Variants in HORMAD2 observed in about 807,000 individuals in gnomAD.
HORMAD2 encodes the protein HORMA domain-containing protein 2.
Under a neutral mutation model 38.8 loss-of-function variants are expected in HORMAD2, and 45 were observed. The ratio of observed to expected loss-of-function variants is 1.16; its 90% confidence interval spans 0.91 to 1.49. The LOEUF (loss-of-function observed/expected upper bound fraction) is 1.49. HORMAD2 is among the 40% of genes most tolerant of loss of function. The pLI, the probability that HORMAD2 is intolerant of heterozygous loss-of-function variation, is 0.00. For synonymous variants in HORMAD2, 126 were observed against 122.8 expected (o/e 1.03, Z -0.17); for missense variants, 338 against 367.0 (o/e 0.92, Z 0.65).
chr22:30,144,810 TCCATCTCA>T (rs142659696), intron 10 of HORMAD2, among the ~76,000 whole-genome samples: 2,503 of 151,932 alleles, frequency 0.016, 69 homozygotes, highest in African/African-American at 0.058. Context: ...ACACAAAACT[TCCATCTCA>T]CCATGAGCCC....
chr22:30,096,481 A>T (rs2068784519), intron 2 of HORMAD2, among the ~76,000 whole-genome samples: 2 of 144,816 alleles, frequency 1.4e-5, no homozygotes, highest in Non-Finnish European at 1.5e-5. Flanking sequence ...TCTCATTGTG[A>T]TTTTTTTTTT....
In HORMAD2 at chr22:30,088,072, C is replaced by T. The variant is rs976782468; in HGVS notation, c.-37-5844C>T. ...GTACACACGTATACATATACACACA[C>T]GTACACACGTGTACATATACACACA... On this transcript the variant is annotated intron_variant, in intron 1 of 10. Coordinates refer to ENST00000336726, the MANE Select transcript of HORMAD2 (RefSeq NM_152510.4). 7.4e-5 allele frequency among the ~76,000 whole-genome samples: 11 copies of T among 148,284 alleles called. No individual in the cohort carries two copies. In the East Asian group the frequency reaches 7.9e-4, roughly 11 times the overall value.
chr22:30,127,230 A>G (rs566393942), intron 10 of HORMAD2, among the ~76,000 whole-genome samples: 1 of 96,962 alleles, frequency 1.0e-5, no homozygotes, highest in Admixed American at 1.5e-4. Flanking sequence ...TTTTTTTGAG[A>G]CGGAGTCTCG....
chr22:30,150,923 G>A (rs1021701188), intron 10 of HORMAD2, among the ~76,000 whole-genome samples: 2 of 152,174 alleles, frequency 1.3e-5, no homozygotes, highest in Admixed American at 6.5e-5. Flanking sequence ...ATCCTAGGGT[G>A]GAAGAGGAAC....
intron 10 of HORMAD2, among the ~76,000 whole-genome samples, chr22:30,148,860 C>G (rs1205836751): frequency 1.3e-5 from 2 of 152,080 alleles, no homozygotes; most frequent in Non-Finnish European, 2.9e-5. Flanking sequence ...AAAAAGTTAG[C>G]CGGGCGTGGT....
In HORMAD2 at chr22:30,098,956, G is replaced by A; in HGVS notation, c.156G>A (p.Leu52=). 6.2e-7 allele frequency: 1 copy of A among 1,612,776 alleles called. No homozygotes were observed. ...SISCITYLRG[L]FPESSYGERH... is the part of the protein sequence containing the mutation. ...CATGTATAACATACCTAAGGGGCCT[G>A]TTTCCAGAGAGCTCTTATGGAGAAC... The change falls in exon 3 of 11, where the codon CTG becomes CTA. Residue 52 remains leucine (L), a synonymous_variant. Transcript: ENST00000336726.
chr22:30,124,280 CACACACACACACAT>C, intron 10 of HORMAD2, among the ~76,000 whole-genome samples: 1 of 151,812 alleles, frequency 6.6e-6, no homozygotes, highest in South Asian at 2.1e-4. Context: ...CACACACACA[CACACACACACACAT>C]ACATACATGT....
Position 30,098,919 on chromosome 22 carries a change from C to T in HORMAD2, c.119C>T (p.Ala40Val), listed in dbSNP as rs1226931778. 1 of 1,613,302 alleles carries T rather than the reference C, an allele frequency of 6.2e-7. No homozygotes were observed. Among genetic ancestry groups the T allele is most frequent in the Non-Finnish European group, 8.5e-7 (1 of 1,179,406 alleles). ...ESLKMVKKLF[A>V]TSISCITYLR... ...TTGAAAATGGTGAAGAAACTTTTTG[C>T]TACTTCCATCTCATGTATAACATAC... The change falls in exon 3 of 11, where the codon GCT becomes GTT. Residue 40 changes from alanine (A) to valine (V), a missense_variant. Transcript: ENST00000336726.
chr22:30,093,885 G>T, intron 1 of HORMAD2, 31 bp from the exon 2 acceptor site: 1 of 1,084,096 alleles, frequency 9.2e-7, no homozygotes, highest in Non-Finnish European at 1.3e-6. Flanking sequence ...TATTTGGCAA[G>T]GTCTCTAATT....
chr22:30,084,064 C>T (rs936950648), intron 1 of HORMAD2, among the ~76,000 whole-genome samples: 5 of 152,080 alleles, frequency 3.3e-5, no homozygotes, highest in East Asian at 1.9e-4. Context: ...TGACTAATCC[C>T]GGGTAAGTCT....
At chr22:30,123,463 G>A (rs1922602356) in intron 10 of HORMAD2, among the ~76,000 whole-genome samples, 2 of 151,670 alleles carry the variant, frequency 1.3e-5, no homozygotes, top group Non-Finnish European at 2.9e-5. Context: ...CGAGTAGCTG[G>A]GACTATAGGC....
intron 10 of HORMAD2, among the ~76,000 whole-genome samples, chr22:30,143,201 A>G (rs1924195667): frequency 6.6e-6 from 1 of 152,204 alleles, no homozygotes; most frequent in African/African-American, 2.4e-5. Flanking sequence ...ATTTAAGAGA[A>G]GAAAGGAGAA....
chr22:30,085,913 G>A (rs980137392), intron 1 of HORMAD2, among the ~76,000 whole-genome samples: 5 of 152,188 alleles, frequency 3.3e-5, no homozygotes, highest in East Asian at 1.9e-4. Context: ...CCCAGACTTC[G>A]TAATAGTGGT....
rs71198524 is a variant in HORMAD2 at position 30,103,649 on chromosome 22, A to ATTTT, written c.257+177_257+180dup. The stretch of plus-strand genomic sequence containing the variant: ...CTTTCTTTTTCTTTTTCTGTTTTTG[A>ATTTT]TTTTTTTTTTTTTTTTTTTTTTTTT... On this transcript the variant is annotated intron_variant, in intron 4 of 10. Coordinates refer to ENST00000336726, the MANE Select transcript of HORMAD2 (RefSeq NM_152510.4). The ATTTT allele has an allele frequency of 7.9e-3, 596 of 75,226 alleles. 94 individuals carry two copies. Among genetic ancestry groups the ATTTT allele is most frequent in the African/African-American group, 0.022 (166 of 7,690 alleles). 4.7% of individuals were successfully genotyped at this position (75,226 alleles called of 1,614,324 possible).
intron 5 of HORMAD2, among the ~76,000 whole-genome samples, chr22:30,104,821 C>T (rs1921065645): frequency 6.6e-6 from 1 of 152,094 alleles, no homozygotes; most frequent in East Asian, 1.9e-4. Context: ...GGTTTTTATT[C>T]TGTCTTAGTT....
At chr22:30,172,147 G>A (rs1926149001) in intron 10 of HORMAD2, among the ~76,000 whole-genome samples, 2 of 152,116 alleles carry the variant, frequency 1.3e-5, no homozygotes, top group Non-Finnish European at 2.9e-5. Flanking sequence ...ACTATGTCTG[G>A]GGTATGAAAG....
downstream of HORMAD2, among the ~76,000 whole-genome samples, chr22:30,180,462 T>C (rs2123758268): frequency 6.6e-6 from 1 of 152,200 alleles, no homozygotes; most frequent in African/African-American, 2.4e-5. Context: ...GGCTCTAGGG[T>C]AAGCAAGCAA....
In HORMAD2 at chr22:30,112,626, A is replaced by G. The variant is rs1569092641; in HGVS notation, c.342+104A>G. 11 of 479,048 alleles carry G rather than the reference A, an allele frequency of 2.3e-5. No homozygotes were observed. In the South Asian group the frequency reaches 3.6e-4, roughly 16 times the overall value. The allele number at this position is 479,048 out of a possible 1,614,324, so 29.7% of individuals were successfully genotyped here. On this transcript the variant is annotated intron_variant, in intron 7 of 10. Transcript: ENST00000336726. ...GATTTTGTTACTAGACTACCATATG[A>G]GCAGAGGAACTAATAGTGGGCTCTT...
At chr22:30,087,446 A>G (rs1183420730) in intron 1 of HORMAD2, among the ~76,000 whole-genome samples, 1 of 152,206 alleles carries the variant, frequency 6.6e-6, no homozygotes, top group Non-Finnish European at 1.5e-5. Flanking sequence ...ACTTGAAACA[A>G]TGGGAGTGTA....
Sources: allele counts gnomAD v4.1 joint callset (sites outside exome capture counted in the v4.1 genomes callset), GRCh38; gene constraint gnomAD v4.1.1; transcripts MANE v1.5; gene names NCBI Gene and HGNC (gene_info 2026-07-23, HGNC 2026-07-21).